SPRED1: variants seen among roughly 807,000 people sequenced by gnomAD.
SPRED1 encodes the protein sprouty-related, EVH1 domain-containing protein 1.
SPRED1 carries 18 observed loss-of-function variants against 52.3 expected under a neutral mutation model. The ratio of observed to expected loss-of-function variants is 0.34; its 90% CI spans 0.24 to 0.51. The LOEUF (loss-of-function observed/expected upper bound fraction) is 0.51. Ranked by LOEUF, SPRED1 falls within the 20% of genes least tolerant of loss-of-function variation. The pLI is 0.97. For missense variants in SPRED1, 485 were observed against 551.0 expected, an observed-to-expected ratio of 0.88 and a Z score of 1.20; for synonymous variants, 155 against 179.7, an observed-to-expected ratio of 0.86 and a Z score of 1.10.
chr15:38,354,460 A>G lies in SPRED1; in HGVS notation c.*2796A>G, dbSNP rs1439522314. ...TTCTTAAATATTTCTCTTGGCTTCAAAAGGGACATCATTTGATTTCTGAAG... is the reference window on the plus strand; with the variant it reads ...TTCTTAAATATTTCTCTTGGCTTCAGAAGGGACATCATTTGATTTCTGAAG... On this transcript the variant is annotated 3_prime_UTR_variant, in exon 7 of 7. Coordinates refer to ENST00000299084, the MANE Select transcript of SPRED1 (RefSeq NM_152594.3). 1.3e-5 allele frequency: 2 copies of G among 152,206 alleles called. No homozygotes were observed. The highest frequency in any genetic ancestry group is 4.8e-5 in the African/African-American group (2 of 41,446). The allele number at this position is 152,206 out of a possible 1,614,324, so 9.4% of individuals were successfully genotyped here.
chr15:38,267,832 C>T (rs1243541860), intron 1 of SPRED1, among the ~76,000 whole-genome samples: 2 of 152,184 alleles, frequency 1.3e-5, no homozygotes, highest in African/African-American at 4.8e-5. Context: ...TTTTTGACTG[C>T]ATCACAGTAA....
Position 38,351,691 on chromosome 15 carries a change from A to T in SPRED1, c.*27A>T. 6.2e-7 allele frequency: 1 copy of T among 1,606,766 alleles called. No homozygotes were observed. ...ATGGTCCAGTGCCAAAATGAGCTTA[A>T]AATCTTTGTTTCCAGGAATTAGCTA... On this transcript the variant is annotated 3_prime_UTR_variant, in exon 7 of 7. Transcript: ENST00000299084.
At chr15:38,308,401 C>T (rs986522980) in intron 2 of SPRED1, among the ~76,000 whole-genome samples, 22 of 152,124 alleles carry the variant, frequency 1.4e-4, no homozygotes, top group African/African-American at 5.1e-4. Flanking sequence ...TTATTTAAGT[C>T]TGTACAGTTT....
chr15:38,339,635 C>T (rs1052682360), intron 4 of SPRED1, 102 bp from the exon 5 acceptor site: 3 of 1,220,516 alleles, frequency 2.5e-6, no homozygotes, highest in Middle Eastern at 1.9e-4. Flanking sequence ...GCGATATATA[C>T]TTATTGACTT....
intron 2 of SPRED1, among the ~76,000 whole-genome samples, chr15:38,316,732 C>T (rs1412781803): frequency 1.5e-5 from 1 of 67,300 alleles, no homozygotes; most frequent in Non-Finnish European, 3.2e-5. Context: ...TTCTAGTTTA[C>T]AATTTTCCAT....
At chr15:38,289,940 A>C (rs1194985654) in intron 1 of SPRED1, among the ~76,000 whole-genome samples, 2 of 152,076 alleles carry the variant, frequency 1.3e-5, no homozygotes, top group East Asian at 1.9e-4. Flanking sequence ...AAGCTAATAC[A>C]TGTGTGTTAC....
At chr15:38,261,334 G>C (rs1311983441) in intron 1 of SPRED1, among the ~76,000 whole-genome samples, 1 of 152,102 alleles carries the variant, frequency 6.6e-6, no homozygotes, top group Admixed American at 6.5e-5. Flanking sequence ...TTGTACTTCT[G>C]AATTAATATA....
At chr15:38,287,481 G>T (rs935838023) in intron 1 of SPRED1, among the ~76,000 whole-genome samples, 6 of 151,936 alleles carry the variant, frequency 3.9e-5, no homozygotes, top group Non-Finnish European at 8.8e-5. Flanking sequence ...GTATGAGCTG[G>T]TCCATATATC....
intron 5 of SPRED1, among the ~76,000 whole-genome samples, chr15:38,344,568 A>G (rs946090302): frequency 1.1e-4 from 16 of 152,192 alleles, no homozygotes; most frequent in African/African-American, 3.9e-4. Context: ...GGATTATGAC[A>G]TGGCCTCTAG....
At chr15:38,287,444 A>G (rs191159081) in intron 1 of SPRED1, among the ~76,000 whole-genome samples, 148 of 152,254 alleles carry the variant, frequency 9.7e-4, no homozygotes, top group African/African-American at 3.4e-3. Context: ...TTCTTAAAAT[A>G]AAGAACAAAA....
At chr15:38,340,161 A>C (rs954148659) in intron 5 of SPRED1, among the ~76,000 whole-genome samples, 12 of 152,234 alleles carry the variant, frequency 7.9e-5, no homozygotes, top group African/African-American at 2.7e-4. Context: ...CCCTTATCTC[A>C]CAGGAAAGCT....
At chr15:38,334,776 C>A (rs1895876020) in intron 4 of SPRED1, among the ~76,000 whole-genome samples, 1 of 151,622 alleles carries the variant, frequency 6.6e-6, no homozygotes, top group Admixed American at 6.6e-5. Context: ...TATTTTGATT[C>A]TTGTTTTCTT....
chr15:38,348,422 G>A (rs1477106368), intron 5 of SPRED1, among the ~76,000 whole-genome samples: 2 of 151,652 alleles, frequency 1.3e-5, no homozygotes, highest in Non-Finnish European at 2.9e-5. Context: ...AGATCTGTGT[G>A]TGTGTGTGTG....
At chr15:38,337,391 T>G (rs756154586) in intron 4 of SPRED1, among the ~76,000 whole-genome samples, 69 of 152,196 alleles carry the variant, frequency 4.5e-4, no homozygotes, top group Non-Finnish European at 8.8e-4. Flanking sequence ...AACAGTCTTT[T>G]GTTTGCCATA....
intron 2 of SPRED1, among the ~76,000 whole-genome samples, chr15:38,313,803 C>T (rs1484829862): frequency 6.6e-6 from 1 of 151,466 alleles, no homozygotes; most frequent in Non-Finnish European, 1.5e-5. Flanking sequence ...ACATTGAGTT[C>T]ATTTTATTTT....
intron 1 of SPRED1, among the ~76,000 whole-genome samples, chr15:38,264,984 T>G (rs997474712): frequency 6.6e-6 from 1 of 152,222 alleles, no homozygotes; most frequent in Non-Finnish European, 1.5e-5. Context: ...AACCAAGATG[T>G]TGACTGATAT....
chr15:38,285,079 C>A lies in SPRED1; in HGVS notation c.33-14294C>A, dbSNP rs549885059. 2.0e-5 allele frequency among the ~76,000 whole-genome samples: 3 copies of A among 152,006 alleles called. No individual in the cohort carries two copies. The East Asian group carries it at 5.8e-4, about 29-fold the overall frequency. On this transcript the variant is annotated intron_variant, in intron 1 of 6. Coordinates refer to ENST00000299084, the MANE Select transcript of SPRED1 (RefSeq NM_152594.3). ...TAAATATATTTTTTTGCTCCCAGCT[C>A]CTCCTGCTGCCTGACTGCCCCCTCC...
chr15:38,317,919 A>G (rs991417064), intron 2 of SPRED1, among the ~76,000 whole-genome samples: 1 of 151,012 alleles, frequency 6.6e-6, no homozygotes, highest in Non-Finnish European at 1.5e-5. Context: ...GTTTAGTATG[A>G]TGAAAGTACA....
In SPRED1 at chr15:38,262,324, G is replaced by A. The variant is rs140819496; in HGVS notation, c.32+9107G>A. ...CAAGGGAAATAGATACTTCTGAAATGTGATGGGTGTTCTGGTTATAAAGTT... is the reference window on the plus strand; with the variant it reads ...CAAGGGAAATAGATACTTCTGAAATATGATGGGTGTTCTGGTTATAAAGTT... On this transcript the variant is annotated intron_variant, in intron 1 of 6. Transcript: ENST00000299084. 1.3e-3 allele frequency among the ~76,000 whole-genome samples: 204 copies of A among 152,310 alleles called. 3 individuals are homozygous for A. Among genetic ancestry groups the A allele is most frequent in the East Asian group, 1.7e-3 (9 of 5,190 alleles).
Sources: allele counts gnomAD v4.1 joint callset (sites outside exome capture counted in the v4.1 genomes callset), GRCh38; gene constraint gnomAD v4.1.1; transcripts MANE v1.5; gene names NCBI Gene and HGNC (gene_info 2026-07-23, HGNC 2026-07-21).